Variants in MCPH1 observed in about 807,000 individuals in gnomAD.
The protein encoded by MCPH1 is microcephalin 1, also known as microcephalin.
MCPH1 carries 104 observed loss-of-function variants against 84.5 expected under a neutral mutation model. The observed-to-expected ratio is 1.23, with a 90% CI of 1.05 to 1.45. The LOEUF is 1.45. Ranked by LOEUF, MCPH1 falls within the 40% of genes most tolerant of loss-of-function variation. The pLI is 0.00. For synonymous variants in MCPH1, 514 were observed against 366.8 expected (o/e 1.40, Z -4.58); for missense variants, 1,498 against 1,005.7 (o/e 1.49, Z -6.62).
At chr8:6,449,593 A>G (rs1466452990) in intron 8 of MCPH1, among the ~76,000 whole-genome samples, 2 of 151,820 alleles carry the variant, frequency 1.3e-5, no homozygotes, top group East Asian at 3.9e-4. Context: ...AGATCATGCC[A>G]CTGCACTCCA....
intron 3 of MCPH1, among the ~76,000 whole-genome samples, chr8:6,415,195 A>G (rs1799093330): frequency 6.6e-6 from 1 of 152,104 alleles, no homozygotes; most frequent in South Asian, 2.1e-4. Context: ...TGCTGTAACA[A>G]AGGACCACAG....
chr8:6,473,292 C>T (rs188312101), intron 9 of MCPH1, among the ~76,000 whole-genome samples: 1 of 142,560 alleles, frequency 7.0e-6, no homozygotes. Flanking sequence ...GCAATTTAAG[C>T]ATTGAAATGA....
At chr8:6,595,484 C>T (rs1457477423) in intron 12 of MCPH1, among the ~76,000 whole-genome samples, 2 of 152,202 alleles carry the variant, frequency 1.3e-5, no homozygotes, top group East Asian at 1.9e-4. Flanking sequence ...CAGCTGCATG[C>T]ACAAGGCCTG....
chr8:6,508,880 T>C (rs774458437), intron 12 of MCPH1: 68 of 1,612,890 alleles, frequency 4.2e-5, no homozygotes, highest in Non-Finnish European at 5.1e-5. Flanking sequence ...CCTTTCCCTC[T>C]ATGAAATCAT....
At chr8:6,487,358 C>G (rs564968154) in intron 11 of MCPH1, among the ~76,000 whole-genome samples, 45 of 152,304 alleles carry the variant, frequency 3.0e-4, no homozygotes, top group Non-Finnish European at 5.3e-4. Flanking sequence ...AATCAATGAA[C>G]TGTTAGAATA....
intron 8 of MCPH1, among the ~76,000 whole-genome samples, chr8:6,448,177 A>G (rs955335274): frequency 3.9e-5 from 6 of 152,254 alleles, no homozygotes; most frequent in Admixed American, 6.5e-5. Context: ...AAGAAAAACA[A>G]TACTGCATTG....
At chr8:6,588,825 G>A (rs1828210613) in intron 12 of MCPH1, among the ~76,000 whole-genome samples, 1 of 152,252 alleles carries the variant, frequency 6.6e-6, no homozygotes, top group African/African-American at 2.4e-5. Context: ...CCAGGTCACT[G>A]CAGTGTCTGC....
At chr8:6,419,175 ACACACACACACACG>A (rs775243603) in intron 3 of MCPH1, among the ~76,000 whole-genome samples, 465 of 40,608 alleles carry the variant, frequency 0.011, 5 homozygotes, top group African/African-American at 0.014. Flanking sequence ...ACACACACAC[ACACACACACACACG>A]CATTTTTACC....
chr8:6,437,620 G>A (rs1047916792), intron 5 of MCPH1, among the ~76,000 whole-genome samples: 1 of 152,146 alleles, frequency 6.6e-6, no homozygotes, highest in Non-Finnish European at 1.5e-5. Context: ...CCAGAAACAT[G>A]GCCTGCATCA....
intron 13 of MCPH1, among the ~76,000 whole-genome samples, chr8:6,629,292 G>A (rs559542158): frequency 6.6e-5 from 10 of 152,124 alleles, no homozygotes; most frequent in South Asian, 4.2e-4. Flanking sequence ...GTGAAACCCC[G>A]TCTCTACTAA....
chr8:6,415,243 A>T (rs988061706), intron 3 of MCPH1, among the ~76,000 whole-genome samples: 1 of 151,594 alleles, frequency 6.6e-6, no homozygotes, highest in Non-Finnish European at 1.5e-5. Context: ...ACTTTCTCAC[A>T]ACTCTGGAGG....
chr8:6,444,791 A>G lies in MCPH1; in HGVS notation c.1069A>G (p.Lys357Glu), dbSNP rs779574623. The change falls in exon 8 of 14, where the codon AAA becomes GAA. Residue 357 changes from lysine to glutamate, a missense_variant. Coordinates refer to ENST00000344683, the MANE Select transcript of MCPH1 (RefSeq NM_024596.5). ...SRPRSSSVKRKRVSHGSHSPP... is the reference protein window; with the variant it reads ...SRPRSSSVKRERVSHGSHSPP... ...ACCCAGGAGTTCCTCAGTAAAGAGAAAAAGAGTATCACATGGCTCCCATTC... is the reference window on the plus strand; with the variant it reads ...ACCCAGGAGTTCCTCAGTAAAGAGAGAAAGAGTATCACATGGCTCCCATTC... The G allele has an allele frequency of 6.2e-7, 1 of 1,614,002 alleles. No homozygotes were observed. Among genetic ancestry groups the G allele is most frequent in the Non-Finnish European group, 8.5e-7 (1 of 1,180,016 alleles).
intron 12 of MCPH1, among the ~76,000 whole-genome samples, chr8:6,541,442 A>G (rs1226496234): frequency 6.6e-6 from 1 of 152,126 alleles, no homozygotes; most frequent in African/African-American, 2.4e-5. Flanking sequence ...TCTGAGAAAG[A>G]CAATATTTCT....
At chr8:6,513,869 A>T (rs373029452) in intron 12 of MCPH1, 202 of 1,580,666 alleles carry the variant, frequency 1.3e-4, no homozygotes, top group Non-Finnish European at 1.6e-4. Flanking sequence ...GTTAAATTCA[A>T]TTATTTCATG....
At chr8:6,628,261 G>C (rs113023214) in intron 13 of MCPH1, among the ~76,000 whole-genome samples, 14 of 152,078 alleles carry the variant, frequency 9.2e-5, no homozygotes, top group Admixed American at 2.0e-4. Flanking sequence ...ATGAGGTCAG[G>C]AGATCGAGAC....
intron 12 of MCPH1, among the ~76,000 whole-genome samples, chr8:6,525,527 G>C (rs1480248206): frequency 6.6e-6 from 1 of 152,204 alleles, no homozygotes; most frequent in Non-Finnish European, 1.5e-5. Flanking sequence ...ACTGTGCCTG[G>C]CTTGAATCTA....
intron 5 of MCPH1, among the ~76,000 whole-genome samples, chr8:6,437,083 A>G (rs1399921306): frequency 6.6e-6 from 1 of 152,218 alleles, no homozygotes; most frequent in Admixed American, 6.5e-5. Flanking sequence ...CTGACACAGC[A>G]TTGCTACAGA....
chr8:6,410,448 T>C (rs1798378981), intron 2 of MCPH1, among the ~76,000 whole-genome samples: 1 of 152,212 alleles, frequency 6.6e-6, no homozygotes, highest in African/African-American at 2.4e-5. Context: ...GCAGGAATCA[T>C]TGAGCTATGA....
At chr8:6,414,099 G>T (rs1370162825) in intron 2 of MCPH1, among the ~76,000 whole-genome samples, 2 of 152,004 alleles carry the variant, frequency 1.3e-5, no homozygotes, top group East Asian at 1.9e-4. Context: ...TTGAATGATT[G>T]CACTTATTTT....
Sources: gnomAD v4.1 joint callset for allele counts (sites outside exome capture counted in the v4.1 genomes callset) on GRCh38, gnomAD v4.1.1 for gene constraint, MANE v1.5 for transcripts, NCBI Gene and HGNC (gene_info 2026-07-23, HGNC 2026-07-21) for gene names.